Variants in SNX7 observed in about 807,000 individuals in gnomAD.
The protein encoded by SNX7 is sorting nexin 7.
A neutral mutation model predicts 48.4 loss-of-function variants in SNX7; 35 were observed. The observed-to-expected ratio is 0.72, with a 90% CI of 0.55 to 0.96. The LOEUF (loss-of-function observed/expected upper bound fraction) is 0.96. SNX7 is among the 40% of genes least tolerant of loss of function. The pLI, the probability that SNX7 is intolerant of heterozygous loss-of-function variation, is 0.00. For missense variants in SNX7, 553 were observed against 548.9 expected, an observed-to-expected ratio of 1.01 and a Z score of -0.07; for synonymous variants, 190 against 190.2, an observed-to-expected ratio of 1.00 and a Z score of 0.01.
At chr1:98,668,861 C>T (rs1264313839) in intron 1 of SNX7, among the ~76,000 whole-genome samples, 2 of 152,040 alleles carry the variant, frequency 1.3e-5, no homozygotes, top group Admixed American at 6.5e-5. Context: ...AGGGATTGCC[C>T]AACAGGATCG....
chr1:98,698,705 G>A lies in SNX7; in HGVS notation c.839-1G>A, dbSNP rs1391099652. The A allele has an allele frequency of 3.2e-6, 5 of 1,561,348 alleles. No individual in the cohort carries two copies. Among genetic ancestry groups the A allele is most frequent in the South Asian group, 1.2e-5 (1 of 84,090 alleles). On this transcript the variant is annotated splice_acceptor_variant, in intron 5 of 8. Coordinates refer to ENST00000306121, the MANE Select transcript of SNX7 (RefSeq NM_015976.5). LOFTEE classifies it high-confidence loss of function. Reference sequence around the variant, plus strand: ...CTTATTAAGTCTTTTTTTTTTTTTAGAATATTTTGATGAAATGAAAGAATA... The same window carrying A: ...CTTATTAAGTCTTTTTTTTTTTTTAAAATATTTTGATGAAATGAAAGAATA...
intron 7 of SNX7, among the ~76,000 whole-genome samples, chr1:98,725,871 T>C (rs1451639788): frequency 6.6e-6 from 1 of 152,182 alleles, no homozygotes; most frequent in Non-Finnish European, 1.5e-5. Flanking sequence ...CTTACTATAA[T>C]AGAAGACTTT....
At chr1:98,739,003 T>C (rs1444192421) in intron 8 of SNX7, among the ~76,000 whole-genome samples, 2 of 152,162 alleles carry the variant, frequency 1.3e-5, no homozygotes, top group Admixed American at 6.5e-5. Flanking sequence ...CAAAATTATG[T>C]CTTACAGCAG....
chr1:98,682,752 A>G (rs539373459), intron 1 of SNX7, among the ~76,000 whole-genome samples: 223 of 152,328 alleles, frequency 1.5e-3, no homozygotes, highest in Non-Finnish European at 2.4e-3. Flanking sequence ...GGATGCTTGT[A>G]GGAGTACTAC....
chr1:98,759,067 C>T (rs749037755), intron 8 of SNX7, among the ~76,000 whole-genome samples: 12 of 151,838 alleles, frequency 7.9e-5, no homozygotes, highest in Non-Finnish European at 4.4e-5. Context: ...TGCTGGTTGT[C>T]CGATATAGAC....
At chr1:98,743,224 A>G (rs1431143154) in intron 8 of SNX7, among the ~76,000 whole-genome samples, 3 of 151,998 alleles carry the variant, frequency 2.0e-5, no homozygotes, top group African/African-American at 4.8e-5. Flanking sequence ...GTGGCGTGGC[A>G]TGGGGAGAGG....
At chr1:98,729,992 T>C (rs181144745) in intron 7 of SNX7, among the ~76,000 whole-genome samples, 1 of 152,244 alleles carries the variant, frequency 6.6e-6, no homozygotes, top group Admixed American at 6.5e-5. Context: ...CTGATGAACA[T>C]CAGTGTGAAA....
At chr1:98,662,637 G>T in intron 1 of SNX7, 1 of 1,280,528 alleles carries the variant, frequency 7.8e-7, no homozygotes, top group South Asian at 1.3e-5. Flanking sequence ...TTTGGTACGT[G>T]TAGACTGGTG....
chr1:98,756,300 A>T (rs1003860152), intron 8 of SNX7, among the ~76,000 whole-genome samples: 2 of 151,614 alleles, frequency 1.3e-5, no homozygotes, highest in Non-Finnish European at 2.9e-5. Context: ...TTTTTAATTC[A>T]TTAGATTTTA....
At chr1:98,682,327 T>C (rs1346809673) in intron 1 of SNX7, among the ~76,000 whole-genome samples, 1 of 152,162 alleles carries the variant, frequency 6.6e-6, no homozygotes, top group Non-Finnish European at 1.5e-5. Context: ...AAACTGTCAA[T>C]GTAGAACATT....
At chr1:98,744,121 G>GAGAC (rs1235662204) in intron 8 of SNX7, among the ~76,000 whole-genome samples, 1 of 151,978 alleles carries the variant, frequency 6.6e-6, no homozygotes, top group Admixed American at 6.6e-5. Flanking sequence ...GTTCCATCAG[G>GAGAC]AGACAGTACT....
intron 8 of SNX7, among the ~76,000 whole-genome samples, chr1:98,743,086 A>G (rs1397097838): frequency 7.2e-6 from 1 of 139,056 alleles, no homozygotes; most frequent in African/African-American, 2.6e-5. Context: ...TCAAGAAATA[A>G]GCAGGTCTAT....
Position 98,760,049 on chromosome 1 carries a change from T to C in SNX7, c.1279-5T>C. The C allele has an allele frequency of 6.3e-7, 1 of 1,578,452 alleles. No homozygotes were observed. The highest frequency in any genetic ancestry group is 8.7e-7 in the Non-Finnish European group (1 of 1,147,844). On this transcript the variant is annotated splice_polypyrimidine_tract_variant and splice_region_variant and intron_variant, in intron 8 of 8. Coordinates refer to ENST00000306121, the MANE Select transcript of SNX7 (RefSeq NM_015976.5). ...ATTGCCTCATGGTGTGTTTCCATTA[T>C]TCAGTGCCTTGCTACGTGGGAGTCA...
At chr1:98,717,212 G>C (rs1652638680) in intron 7 of SNX7, among the ~76,000 whole-genome samples, 1 of 151,970 alleles carries the variant, frequency 6.6e-6, no homozygotes, top group Non-Finnish European at 1.5e-5. Context: ...AACATTTCTT[G>C]AGCACACACG....
chr1:98,695,447 G>T (rs1048881977), intron 4 of SNX7, 71 bp from the exon 5 acceptor site: 1 of 1,418,522 alleles, frequency 7.0e-7, no homozygotes, highest in Non-Finnish European at 9.8e-7. Flanking sequence ...TCCTAATTAG[G>T]TTTATTTTTG....
intron 7 of SNX7, among the ~76,000 whole-genome samples, chr1:98,716,689 G>A (rs1437267441): frequency 1.3e-5 from 2 of 152,060 alleles, no homozygotes; most frequent in Non-Finnish European, 2.9e-5. Context: ...ACCTAACTCT[G>A]TACTCCCTGA....
At chr1:98,682,344 C>T (rs1650549832) in intron 1 of SNX7, among the ~76,000 whole-genome samples, 1 of 152,086 alleles carries the variant, frequency 6.6e-6, no homozygotes, top group East Asian at 1.9e-4. Flanking sequence ...CATTATTTTC[C>T]AGGGAATTCC....
intron 8 of SNX7, among the ~76,000 whole-genome samples, chr1:98,742,588 A>C (rs1654125292): frequency 2.0e-5 from 3 of 152,084 alleles, no homozygotes; most frequent in Admixed American, 1.3e-4. Flanking sequence ...TTATTAGTAA[A>C]TATATGGAAA....
At chr1:98,740,405 G>T (rs1654012708) in intron 8 of SNX7, among the ~76,000 whole-genome samples, 1 of 152,056 alleles carries the variant, frequency 6.6e-6, no homozygotes, top group African/African-American at 2.4e-5. Flanking sequence ...TTTTAATTGA[G>T]ATAATTTATA....
Sources: gnomAD v4.1 joint callset for allele counts (sites outside exome capture counted in the v4.1 genomes callset) on GRCh38, gnomAD v4.1.1 for gene constraint, MANE v1.5 for transcripts, NCBI Gene and HGNC (gene_info 2026-07-23, HGNC 2026-07-21) for gene names.